Variants in MEGF6 observed in about 807,000 individuals in gnomAD.
The protein encoded by MEGF6 is multiple epidermal growth factor-like domains protein 6.
MEGF6 carries 184 observed loss-of-function variants against 207.1 expected under a neutral mutation model. That is an observed-to-expected ratio of 0.89 (90% CI 0.79 to 1.00). The LOEUF (loss-of-function observed/expected upper bound fraction) is 1.00, where lower values mean the gene tolerates loss of function less well. Among genes scored for constraint, MEGF6 ranks in the 50% least tolerant of loss-of-function variants. The pLI, the probability that MEGF6 is intolerant of heterozygous loss-of-function variation, is 0.00. For missense variants in MEGF6, 2,282 were observed against 2,202.9 expected (o/e 1.04, Z -0.72); for synonymous variants, 1,038 against 910.0 (o/e 1.14, Z -2.53).
intron 17 of MEGF6, 56 bp from the exon 18 acceptor site, chr1:3,501,977 A>G: frequency 6.2e-6 from 7 of 1,135,452 alleles, no homozygotes; most frequent in South Asian, 5.3e-5. Context: ...GACTGACCAG[A>G]GCCTTTCCCC....
At chr1:3,496,904 G>A in intron 28 of MEGF6, 84 bp downstream of exon 28, 3 of 1,526,330 alleles carry the variant, frequency 2.0e-6, no homozygotes, top group Non-Finnish European at 2.6e-6. Context: ...CTCAGATGAG[G>A]GCCTTCCCGG....
At chr1:3,508,896 C>G (rs2101025208) in intron 12 of MEGF6, among the ~76,000 whole-genome samples, 179 bp downstream of exon 12, 1 of 152,308 alleles carries the variant, frequency 6.6e-6, no homozygotes, top group African/African-American at 2.4e-5. Context: ...CCCGGCTCAG[C>G]CCGCACGAGC....
rs569655560 is a variant in MEGF6 at position 3,532,214 on chromosome 1, G to A, written c.482-7968C>T. ...CGGGGGAGGCAGTCCTCCCAGGGTC[G>A]GCAGCAGAAGGAACCACAGATTAGA... On this transcript the variant is annotated intron_variant, in intron 4 of 36. Transcript: ENST00000356575. Among the ~76,000 whole-genome samples the A allele has an allele frequency of 2.2e-3, 336 of 152,354 alleles. 1 individual carries two copies. The highest frequency in any genetic ancestry group is 0.01 in the Middle Eastern group (3 of 294).
chr1:3,523,468 C>T (rs1020784383), intron 5 of MEGF6, among the ~76,000 whole-genome samples: 6 of 152,156 alleles, frequency 3.9e-5, no homozygotes, highest in Admixed American at 1.3e-4. Flanking sequence ...GTGTCCGCGA[C>T]ACCTCCTCCA....
chr1:3,537,575 C>A (rs1017513499), intron 4 of MEGF6, among the ~76,000 whole-genome samples: 4 of 152,256 alleles, frequency 2.6e-5, no homozygotes, highest in African/African-American at 9.6e-5. Context: ...CTGGGCTCTG[C>A]CCTCACGGAC....
At chr1:3,617,994 G>A in the MEGF6 span, among the ~76,000 whole-genome samples, 879 of 152,268 alleles carry the variant, frequency 5.8e-3, 7 homozygotes, top group African/African-American at 0.02. Context: ...GCCCAGAGAG[G>A]AGCGGGGCCT....
Position 3,560,110 on chromosome 1 carries a change from C to T in MEGF6, c.481+19715G>A, listed in dbSNP as rs1643154262. Among the ~76,000 whole-genome samples the T allele has an allele frequency of 6.7e-6, 1 of 149,594 alleles. No individual in the cohort carries two copies. The highest frequency in any genetic ancestry group is 1.5e-5 in the Non-Finnish European group (1 of 67,584). On this transcript the variant is annotated intron_variant, in intron 4 of 36. Coordinates refer to ENST00000356575, the MANE Select transcript of MEGF6 (RefSeq NM_001409.4). This position sits in a 1 kb window ranked among gnomAD's most constrained non-coding sequence, Gnocchi z 4.0. ...CAGGAGAGGGCCTGGCAAGGTTAGT[C>T]CCAGAGGGCAAAGAAGGCTGGGCTT...
intron 4 of MEGF6, among the ~76,000 whole-genome samples, chr1:3,537,280 C>A (rs546300673): frequency 6.6e-6 from 1 of 152,342 alleles, no homozygotes; most frequent in South Asian, 2.1e-4. Context: ...ACAGACCCAG[C>A]ACCTGGCATG....
At chr1:3,559,711 C>T (rs2101633494) in intron 4 of MEGF6, among the ~76,000 whole-genome samples, 1 of 152,054 alleles carries the variant, frequency 6.6e-6, no homozygotes, top group Admixed American at 6.5e-5. Flanking sequence ...CAAGAAAGCA[C>T]CAAAATAAGC....
chr1:3,605,549 C>G (rs1644234660), intron 1 of MEGF6, among the ~76,000 whole-genome samples: 1 of 25,072 alleles, frequency 4.0e-5, no homozygotes, highest in Non-Finnish European at 1.9e-4. Flanking sequence ...CACACATATT[C>G]TCATACACTC....
intron 5 of MEGF6, 63 bp downstream of exon 5, chr1:3,524,061 C>T: frequency 1.3e-6 from 2 of 1,559,928 alleles, no homozygotes; most frequent in Non-Finnish European, 1.7e-6. Context: ...GGCCTGGGCA[C>T]ACCCCAGAGG....
chr1:3,509,294 T>C (rs2101029484), intron 11 of MEGF6, 49 bp from the exon 12 acceptor site: 1 of 1,378,198 alleles, frequency 7.3e-7, no homozygotes, highest in Non-Finnish European at 9.4e-7. Flanking sequence ...ACCTGCCTGC[T>C]CCAGCGACCC....
In MEGF6 at chr1:3,523,077, G is replaced by GC. The variant is rs1553195911; in HGVS notation, c.604+1046_604+1047insG. On this transcript the variant is annotated intron_variant, in intron 5 of 36. Coordinates refer to ENST00000356575, the MANE Select transcript of MEGF6 (RefSeq NM_001409.4). ...GCCGGGACATGTGAGTGTGTGCCGG[G>GC]GGGGGGGCCCCAGGGCTGGCGAGCT... 6.1e-5 allele frequency among the ~76,000 whole-genome samples: 9 copies of GC among 146,916 alleles called. 1 individual carries two copies. The South Asian group carries it at 6.2e-4, about 10-fold the overall frequency.
In MEGF6 at chr1:3,611,506, A is replaced by T. The variant is rs1467627220; in HGVS notation, c.-238T>A. 1 of 466,588 alleles carries T rather than the reference A, an allele frequency of 2.1e-6. No homozygotes were observed. The highest frequency in any genetic ancestry group is 3.5e-6 in the Non-Finnish European group (1 of 283,172). The allele number at this position is 466,588 out of a possible 1,614,324, so 28.9% of individuals were successfully genotyped here. On this transcript the variant is annotated 5_prime_UTR_variant, in exon 1 of 37. Transcript: ENST00000356575. ...GAACTCGCCCCGGCGCGTTGAGCAC[A>T]GTGCCCCGGACTCAGAGCCTGGAAA... is the stretch of plus-strand genomic sequence containing the variant.
At chr1:3,531,664 A>G (rs887958409) in intron 4 of MEGF6, among the ~76,000 whole-genome samples, 1 of 152,182 alleles carries the variant, frequency 6.6e-6, no homozygotes, top group Non-Finnish European at 1.5e-5. Flanking sequence ...ACAGGCACAC[A>G]GACTCACGTG....
chr1:3,490,720 C>T, intron 36 of MEGF6, 131 bp from the exon 37 acceptor site: 4 of 1,150,986 alleles, frequency 3.5e-6, no homozygotes, highest in South Asian at 2.8e-5. Flanking sequence ...GGGTGGGGCC[C>T]ACCCATCCTT....
At chr1:3,499,302 G>A (rs1371210618) in intron 23 of MEGF6, 36 bp from the exon 24 acceptor site, 10 of 1,579,180 alleles carry the variant, frequency 6.3e-6, no homozygotes, top group Non-Finnish European at 8.6e-6. Flanking sequence ...GCCAGGGGTG[G>A]GCAGGACCCC....
At chr1:3,532,177 G>A (rs1000759474) in intron 4 of MEGF6, among the ~76,000 whole-genome samples, 5 of 152,210 alleles carry the variant, frequency 3.3e-5, no homozygotes, top group South Asian at 2.1e-4. Context: ...CACGCTCCTC[G>A]AGGGCATAGC....
intron 34 of MEGF6, 157 bp downstream of exon 34, chr1:3,493,614 G>T: frequency 9.7e-7 from 1 of 1,034,216 alleles, no homozygotes. Context: ...CCCAGCAGCT[G>T]ACTCCAGCCC....
Sources: gnomAD v4.1 joint callset for allele counts (sites outside exome capture counted in the v4.1 genomes callset) on GRCh38, gnomAD v4.1.1 for gene constraint, Gnocchi (gnomAD v3.1) non-coding constraint, MANE v1.5 for transcripts, NCBI Gene and HGNC (gene_info 2026-07-23, HGNC 2026-07-21) for gene names.